Variants in CUX1 observed in about 807,000 individuals in gnomAD.
CUX1 encodes the protein protein CASP.
A neutral mutation model predicts 158.8 loss-of-function variants in CUX1; 31 were observed. The observed-to-expected ratio is 0.20, with a 90% CI of 0.15 to 0.26. The LOEUF is 0.26. Among genes scored for constraint, CUX1 ranks in the 10% least tolerant of loss-of-function variants. CUX1 has a pLI of 1.00. For synonymous variants in CUX1, 879 were observed against 862.1 expected, an observed-to-expected ratio of 1.02 and a Z score of -0.34; for missense variants, 1,589 against 2,014.6, an observed-to-expected ratio of 0.79 and a Z score of 4.04.
rs925967636 is a variant in CUX1 at position 102,252,231 on chromosome 7, G to A, written c.*3189G>A. ...AAAATAATACAGCAATCCGTGGCCA[G>A]GGGAGCACCCCCTCCTGGTTGGGCC... is the stretch of plus-strand genomic sequence containing the variant. On this transcript the variant is annotated 3_prime_UTR_variant, in exon 24 of 24. Transcript: ENST00000292535. The A allele has an allele frequency of 3.2e-5, 32 of 985,460 alleles. No individual in the cohort carries two copies. In the African/African-American group the frequency reaches 5.1e-4, roughly 16 times the overall value. The allele number at this position is 985,460 out of a possible 1,614,324, so 61.0% of individuals were successfully genotyped here. A position where few individuals can be genotyped will look rare whatever the true frequency, so the allele number is the denominator to read the frequency against.
chr7:101,990,383 TTTG>T (rs1814942351), intron 2 of CUX1, among the ~76,000 whole-genome samples: 1 of 145,372 alleles, frequency 6.9e-6, no homozygotes, highest in African/African-American at 2.7e-5. Flanking sequence ...TGTTTGTTTG[TTTG>T]TTTGTTTTGT....
At chr7:102,207,739 A>G (rs1342039159) in intron 20 of CUX1, among the ~76,000 whole-genome samples, 1 of 152,134 alleles carries the variant, frequency 6.6e-6, no homozygotes, top group Non-Finnish European at 1.5e-5. Context: ...GGTGTGAGCC[A>G]CTGCACCTGG....
chr7:101,824,415 AGTT>A (rs1181972004), intron 1 of CUX1: 1 of 152,014 alleles, frequency 6.6e-6, no homozygotes, highest in Non-Finnish European at 1.5e-5. Flanking sequence ...ACCTTTGTTG[AGTT>A]GTTGTTTTGG....
chr7:102,077,891 T>C (rs1826949137), intron 4 of CUX1, among the ~76,000 whole-genome samples: 1 of 150,218 alleles, frequency 6.7e-6, no homozygotes, highest in Non-Finnish European at 1.5e-5. Flanking sequence ...TTTTTTTTTT[T>C]ACAATGAGTA....
chr7:102,139,817 A>ATT (rs3216524), intron 8 of CUX1, among the ~76,000 whole-genome samples: 26 of 147,044 alleles, frequency 1.8e-4, no homozygotes, highest in South Asian at 1.1e-3. Flanking sequence ...ACACCCAGCT[A>ATT]TTTTTTTTTT....
In CUX1 at chr7:102,213,634, C is replaced by CA. The variant is rs374330404; in HGVS notation, c.3130+8465dup. Among the ~76,000 whole-genome samples the CA allele has an allele frequency of 2.8e-3, 427 of 152,328 alleles. 3 individuals are homozygous for CA. The highest frequency in any genetic ancestry group is 1.0e-2 in the African/African-American group (415 of 41,566). On this transcript the variant is annotated intron_variant, in intron 20 of 23. Transcript: ENST00000292535. ...AAAACAGAATTTACAGCACATTGGG[C>CA]ATTCAGTACAAGAGGCAAAAGTAGG...
chr7:102,243,677 T>TAATA (rs544002750), intron 23 of CUX1, among the ~76,000 whole-genome samples: 11 of 139,052 alleles, frequency 7.9e-5, no homozygotes, highest in African/African-American at 2.3e-4. Context: ...ATAATAATAA[T>TAATA]AAAATAAATG....
chr7:102,180,902 TTTTATTTTATTTTATTGTATTTTATTTTA>T (rs1563363533), intron 11 of CUX1, among the ~76,000 whole-genome samples: 2,068 of 88,862 alleles, frequency 0.023, 41 homozygotes, highest in African/African-American at 0.13. Context: ...TAAATTTTTA[TTTTATTTTATTTTATTGTATTTTATTTTA>T]TTTTATTTTA....
At chr7:102,153,612 C>T (rs1179477315) in intron 8 of CUX1, 2 of 152,296 alleles carry the variant, frequency 1.3e-5, no homozygotes, top group African/African-American at 4.8e-5. Flanking sequence ...ATCCCCTTCC[C>T]TTCCTTCCTA....
chr7:101,902,734 C>T (rs1021466542), intron 1 of CUX1, among the ~76,000 whole-genome samples: 1 of 152,156 alleles, frequency 6.6e-6, no homozygotes, highest in African/African-American at 2.4e-5. Flanking sequence ...GCAGTGCCAT[C>T]GAGCTGGGCA....
rs782528911 is a variant in CUX1, at chr7:102,239,393, C to T, written c.3696C>T (p.Tyr1232=). 1.1e-5 allele frequency: 18 copies of T among 1,613,318 alleles called. No individual in the cohort carries two copies. Among genetic ancestry groups the T allele is most frequent in the Admixed American group, 1.7e-5 (1 of 60,008 alleles). ...AACCGCCCTCTGTCGGCACCGAGTA[C>T]AGCCAGGGCGCCAGCCCCCAGCCCC... ...PCEPPSVGTE[Y]SQGASPQPQH... The change falls in exon 23 of 24, where the codon TAC becomes TAT. Residue 1232 remains tyrosine (Y), a synonymous_variant. Transcript: ENST00000292535.
intron 23 of CUX1, among the ~76,000 whole-genome samples, chr7:102,240,633 T>C (rs1378447108): frequency 6.6e-6 from 1 of 152,174 alleles, no homozygotes; most frequent in Non-Finnish European, 1.5e-5. Flanking sequence ...ATTAGTTTGA[T>C]TAGTTCTGTA....
intron 8 of CUX1, among the ~76,000 whole-genome samples, chr7:102,126,399 C>T (rs1472235437): frequency 6.6e-6 from 1 of 152,060 alleles, no homozygotes; most frequent in East Asian, 1.9e-4. Context: ...TTAGAAAATT[C>T]TCAAAGATTT....
intron 3 of CUX1, among the ~76,000 whole-genome samples, chr7:102,059,691 T>C (rs1439281274): frequency 6.6e-6 from 1 of 151,958 alleles, no homozygotes; most frequent in African/African-American, 2.4e-5. Context: ...ACGTGTCTGT[T>C]TTGGACAGCA....
At chr7:102,102,525 C>T (rs1554486839) in intron 5 of CUX1, among the ~76,000 whole-genome samples, 1 of 151,580 alleles carries the variant, frequency 6.6e-6, no homozygotes, top group Admixed American at 6.6e-5. Flanking sequence ...AGCGCATGTC[C>T]GTGCAGCTCA....
rs181081852 is a variant in CUX1 at position 101,935,408 on chromosome 7, G to C, written c.141+19183G>C. ...TTATTGCTCACACAAAGCCTGTTTG[G>C]TGGTCTTTTCACACGGACGTGAGTG... On this transcript the variant is annotated intron_variant, in intron 2 of 23. Transcript: ENST00000292535. Among the ~76,000 whole-genome samples the C allele has an allele frequency of 1.3e-3, 191 of 152,256 alleles. 1 individual carries two copies. The highest frequency in any genetic ancestry group is 4.2e-3 in the African/African-American group (175 of 41,548).
At chr7:102,151,291 G>T (rs1335592214) in intron 8 of CUX1, among the ~76,000 whole-genome samples, 5 of 152,150 alleles carry the variant, frequency 3.3e-5, no homozygotes, top group Non-Finnish European at 5.9e-5. Flanking sequence ...GTCGGTTCAC[G>T]CCTGTCATCC....
intron 2 of CUX1, among the ~76,000 whole-genome samples, chr7:101,920,810 G>A (rs984419924): frequency 6.6e-6 from 1 of 152,128 alleles, no homozygotes; most frequent in Non-Finnish European, 1.5e-5. Flanking sequence ...AGAATCAATC[G>A]TGGAACATAA....
intron 1 of CUX1, among the ~76,000 whole-genome samples, chr7:101,836,640 G>A (rs997916724): frequency 4.3e-5 from 6 of 138,354 alleles, no homozygotes; most frequent in East Asian, 2.0e-4. Context: ...TCAGGAGTTC[G>A]AGACCAGCCT....
Sources: gnomAD v4.1 joint callset for allele counts (sites outside exome capture counted in the v4.1 genomes callset) on GRCh38, gnomAD v4.1.1 for gene constraint, MANE v1.5 for transcripts, NCBI Gene and HGNC (gene_info 2026-07-23, HGNC 2026-07-21) for gene names.